The following DPYD variants were observed in gnomAD, a reference collection of about 807,000 sequenced individuals.
DPYD encodes dihydropyrimidine dehydrogenase [NADP(+)].
DPYD carries 109 observed loss-of-function variants against 116.2 expected under a neutral mutation model. The ratio of observed to expected loss-of-function variants is 0.94; its 90% confidence interval spans 0.80 to 1.10. The LOEUF is 1.10. Ranked by LOEUF, DPYD falls within the 50% of genes least tolerant of loss-of-function variation. The pLI is 0.00. For missense variants in DPYD, 1,302 were observed against 1,254.5 expected (o/e 1.04, Z -0.57); for synonymous variants, 440 against 432.0 (o/e 1.02, Z -0.23).
chr1:97,679,283 T>G (rs779671046), intron 7 of DPYD, 101 bp from the exon 8 acceptor site: 12 of 625,110 alleles, frequency 1.9e-5, no homozygotes, highest in Non-Finnish European at 2.9e-5. Flanking sequence ...AAAAATTCTA[T>G]GAGATTCCAT....
intron 1 of DPYD, among the ~76,000 whole-genome samples, chr1:97,906,644 T>C (rs550341375): frequency 6.6e-6 from 1 of 152,104 alleles, no homozygotes; most frequent in Non-Finnish European, 1.5e-5. Flanking sequence ...CCCCAGTGGA[T>C]GTCTGAAACT....
intron 1 of DPYD, among the ~76,000 whole-genome samples, chr1:97,884,590 C>T (rs1006871300): frequency 3.3e-5 from 5 of 152,064 alleles, no homozygotes; most frequent in Non-Finnish European, 7.4e-5. Context: ...GCTGACATTA[C>T]TGCAGTCATT....
intron 12 of DPYD, among the ~76,000 whole-genome samples, chr1:97,529,419 A>G (rs1394847160): frequency 6.6e-6 from 1 of 152,194 alleles, no homozygotes; most frequent in Non-Finnish European, 1.5e-5. Context: ...GGCTTCACTA[A>G]ACATTGTTTT....
chr1:97,837,957 T>C (rs548403476), intron 2 of DPYD, among the ~76,000 whole-genome samples: 1 of 152,320 alleles, frequency 6.6e-6, no homozygotes, highest in African/African-American at 2.4e-5. Context: ...GCTTATCATC[T>C]GATACTATCC....
Position 97,377,788 on chromosome 1 carries a change from A to G in DPYD, c.1975-4144T>C, listed in dbSNP as rs61186764. ...CAGGGCAAGACAGGTGAGCACGAGC[A>G]TTTGAGGAGCCATGAGGGCCCAGTG... On this transcript the variant is annotated intron_variant, in intron 15 of 22. Coordinates refer to ENST00000370192, the MANE Select transcript of DPYD (RefSeq NM_000110.4). Among the ~76,000 whole-genome samples the G allele has an allele frequency of 6.5e-3, 986 of 152,296 alleles. 21 individuals are homozygous for G. The South Asian group carries it at 0.068, about 11-fold the overall frequency.
chr1:97,370,190 A>G (rs1412459740), intron 16 of DPYD, among the ~76,000 whole-genome samples: 1 of 152,174 alleles, frequency 6.6e-6, no homozygotes, highest in Non-Finnish European at 1.5e-5. Flanking sequence ...TCCTTGAGGA[A>G]TCACCACACT....
intron 8 of DPYD, among the ~76,000 whole-genome samples, chr1:97,663,038 C>T (rs893182247): frequency 6.6e-6 from 1 of 152,316 alleles, no homozygotes; most frequent in East Asian, 1.9e-4. Context: ...TTACTCCCAA[C>T]AATCATGAAC....
At position 97,718,936 on chromosome 1, in the gene DPYD, A is replaced by G. The variant is rs1203451933; in HGVS notation, c.483+2574T>C. Among the ~76,000 whole-genome samples, 7 of 151,828 alleles carry G rather than the reference A, an allele frequency of 4.6e-5. No individual in the cohort carries two copies. The Admixed American group carries it at 4.6e-4, about 10-fold the overall frequency. On this transcript the variant is annotated intron_variant, in intron 5 of 22. Coordinates refer to ENST00000370192, the MANE Select transcript of DPYD (RefSeq NM_000110.4). ...AACCATCATGTGACTGATAAAATCT[A>G]TACTAAACTATTATTTCCCAGTTAT...
At chr1:97,297,763 C>T (rs990496264) in intron 18 of DPYD, among the ~76,000 whole-genome samples, 1 of 152,124 alleles carries the variant, frequency 6.6e-6, no homozygotes, top group African/African-American at 2.4e-5. Context: ...TAGAAGAGAG[C>T]TGTTATTTCT....
At chr1:97,616,006 A>G (rs1300815041) in intron 8 of DPYD, among the ~76,000 whole-genome samples, 1 of 152,112 alleles carries the variant, frequency 6.6e-6, no homozygotes, top group Non-Finnish European at 1.5e-5. Flanking sequence ...CTCCTCTGAG[A>G]AGACTGACAG....
chr1:97,078,389 C>A lies in DPYD; in HGVS notation c.*587G>T. ...CAACACCAAAAATAAGCAATTTCAG[C>A]GAAGGGGATTTTACTTAATAAAGTT... On this transcript the variant is annotated 3_prime_UTR_variant, in exon 23 of 23. Transcript: ENST00000370192. 1 of 167,304 alleles carries A rather than the reference C, an allele frequency of 6.0e-6. No homozygotes were observed. The highest frequency in any genetic ancestry group is 1.3e-5 in the Non-Finnish European group (1 of 76,982). 10.4% of individuals were successfully genotyped at this position (167,304 alleles called of 1,614,324 possible). A position where few individuals can be genotyped will look rare whatever the true frequency, so the allele number is the denominator to read the frequency against.
chr1:97,251,291 C>T (rs1663070141), intron 18 of DPYD, among the ~76,000 whole-genome samples: 1 of 148,240 alleles, frequency 6.7e-6, no homozygotes, highest in African/African-American at 2.5e-5. Flanking sequence ...ACTTGGAAGG[C>T]TGAGGCAGGA....
intron 20 of DPYD, among the ~76,000 whole-genome samples, chr1:97,100,061 A>C (rs1175831967): frequency 1.3e-5 from 2 of 152,224 alleles, no homozygotes; most frequent in Non-Finnish European, 2.9e-5. Context: ...TCTACACCTT[A>C]ATGCTTTCTT....
At chr1:97,617,497 C>T (rs1281721322) in intron 8 of DPYD, among the ~76,000 whole-genome samples, 1 of 152,116 alleles carries the variant, frequency 6.6e-6, no homozygotes. Context: ...AGAACTTTAG[C>T]TTTGCTGGAT....
Position 97,094,712 on chromosome 1 carries a change from T to A in DPYD, c.2766+3777A>T, listed in dbSNP as rs543122718. 4.6e-5 allele frequency among the ~76,000 whole-genome samples: 7 copies of A among 152,266 alleles called. No individual in the cohort carries two copies. The Middle Eastern group carries it at 0.017, about 370-fold the overall frequency. Reference sequence around the variant, plus strand: ...GATATGGTGACACAAGTCTGAAGTATAGAAAAGATGTCTCGGATGGAGAAT... The same window carrying A: ...GATATGGTGACACAAGTCTGAAGTAAAGAAAAGATGTCTCGGATGGAGAAT... On this transcript the variant is annotated intron_variant, in intron 21 of 22. Transcript: ENST00000370192.
intron 7 of DPYD, among the ~76,000 whole-genome samples, chr1:97,685,574 T>A (rs1304246016): frequency 1.3e-5 from 2 of 152,090 alleles, no homozygotes; most frequent in East Asian, 1.9e-4. Flanking sequence ...GATGACATGA[T>A]CCCATATCTA....
chr1:97,484,514 C>T (rs1480947414), intron 13 of DPYD, among the ~76,000 whole-genome samples: 2 of 152,056 alleles, frequency 1.3e-5, no homozygotes, highest in African/African-American at 4.8e-5. Context: ...TTTCATTGTG[C>T]CTTTGTGGCC....
intron 20 of DPYD, among the ~76,000 whole-genome samples, chr1:97,171,351 T>A (rs1049469831): frequency 6.6e-6 from 1 of 152,196 alleles, no homozygotes; most frequent in Non-Finnish European, 1.5e-5. Context: ...CTGCCACAGG[T>A]CACTGGGAAA....
At chr1:97,295,684 G>T in intron 18 of DPYD, 1 of 837,102 alleles carries the variant, frequency 1.2e-6, no homozygotes, top group Non-Finnish European at 1.4e-6. Flanking sequence ...GCCCGCCGCA[G>T]CTTCCCGAAG....
Sources: gnomAD v4.1 joint callset for allele counts (sites outside exome capture counted in the v4.1 genomes callset) on GRCh38, gnomAD v4.1.1 for gene constraint, MANE v1.5 for transcripts, NCBI Gene and HGNC (gene_info 2026-07-23, HGNC 2026-07-21) for gene names.